DRC1: variants seen among roughly 807,000 people sequenced by gnomAD.
The protein encoded by DRC1 is dynein regulatory complex subunit 1, also known as dynein regulatory complex protein 1.
A neutral mutation model predicts 98.7 loss-of-function variants in DRC1; 74 were observed. The ratio of observed to expected loss-of-function variants is 0.75; its 90% CI spans 0.62 to 0.91. The LOEUF (loss-of-function observed/expected upper bound fraction) is 0.91, where lower values mean the gene tolerates loss of function less well. DRC1 is among the 40% of genes least tolerant of loss of function. The pLI is 0.00. For missense variants in DRC1, 875 were observed against 886.0 expected (o/e 0.99, Z 0.16); for synonymous variants, 336 against 334.1 (o/e 1.01, Z -0.06).
At chr2:26,409,123 A>T (rs13028274) in intron 1 of DRC1, among the ~76,000 whole-genome samples, 1 of 150,790 alleles carries the variant, frequency 6.6e-6, no homozygotes. Flanking sequence ...TTAGAGATGG[A>T]GTCCTGCTAT....
chr2:26,450,797 G>A, intron 13 of DRC1, 116 bp downstream of exon 13: 1 of 779,256 alleles, frequency 1.3e-6, no homozygotes, highest in Non-Finnish European at 1.8e-6. Flanking sequence ...TGTTACATAG[G>A]TATACATGTG....
At position 26,453,408 on chromosome 2, in the gene DRC1, A is replaced by G. The variant is rs748452142; in HGVS notation, c.1778A>G (p.Glu593Gly). 12 of 1,614,184 alleles carry G rather than the reference A, an allele frequency of 7.4e-6. No individual in the cohort carries two copies. Among genetic ancestry groups the G allele is most frequent in the Non-Finnish European group, 1.0e-5 (12 of 1,180,046 alleles). ...GAATTGGAGCTGGCAGAGCAGACGG[A>G]GATGGAGGGAGAAAAGGAAGAAAGC... ...RSELELAEQT[E>G]MEGEKEESLV... Residue 593 changes from glutamate to glycine, a missense_variant, in exon 14 of 17, where the codon GAG becomes GGG. Glu to Gly is a moderately conservative substitution (Grantham distance 98). Coordinates refer to ENST00000288710, the MANE Select transcript of DRC1 (RefSeq NM_145038.5).
At chr2:26,452,396 A>AT (rs1201141511) in intron 13 of DRC1, among the ~76,000 whole-genome samples, 2 of 152,094 alleles carry the variant, frequency 1.3e-5, no homozygotes, top group Non-Finnish European at 2.9e-5. Context: ...GCTGGGATTG[A>AT]TTACAGGCAC....
chr2:26,445,483 G>T (rs1021354500), intron 10 of DRC1, among the ~76,000 whole-genome samples: 1 of 152,146 alleles, frequency 6.6e-6, no homozygotes, highest in African/African-American at 2.4e-5. Context: ...ATCTTCCAAA[G>T]GTACCAATGA....
At chr2:26,455,311 C>A in intron 16 of DRC1, 78 bp downstream of exon 16, 1 of 1,357,732 alleles carries the variant, frequency 7.4e-7, no homozygotes, top group Non-Finnish European at 1.0e-6. Flanking sequence ...GATTAGGGAA[C>A]GAGGAGTCCC....
At chr2:26,408,641 C>T (rs1170665026) in intron 1 of DRC1, among the ~76,000 whole-genome samples, 1 of 152,064 alleles carries the variant, frequency 6.6e-6, no homozygotes, top group Admixed American at 6.6e-5. Context: ...CGTGGTGGTG[C>T]ATGCCTGTAA....
In DRC1 at chr2:26,455,151, C is replaced by T. The variant is rs769056765; in HGVS notation, c.2084C>T (p.Ala695Val). ...EKYHLVLTQR[A>V]KLLLENSSLE... ...CAAAGCCTTGTCCTGACCCAGAGGG[C>T]CAAGCTGCTGCTGGAAAACAGTTCT... Residue 695 changes from alanine to valine, a missense_variant, in exon 16 of 17, where the codon GCC becomes GTC. Transcript: ENST00000288710. The T allele has an allele frequency of 2.5e-6, 4 of 1,613,966 alleles. No homozygotes were observed. Among genetic ancestry groups the T allele is most frequent in the Admixed American group, 1.7e-5 (1 of 59,998 alleles).
intron 1 of DRC1, among the ~76,000 whole-genome samples, chr2:26,402,602 C>G (rs1157641753): frequency 6.6e-6 from 1 of 152,120 alleles, no homozygotes; most frequent in East Asian, 1.9e-4. Context: ...TTCCTAAGTG[C>G]GGGATGTATT....
At chr2:26,413,878 T>C (rs1572354570) in intron 1 of DRC1, among the ~76,000 whole-genome samples, 1 of 152,034 alleles carries the variant, frequency 6.6e-6, no homozygotes, top group African/African-American at 2.4e-5. Context: ...GATATTCTCC[T>C]GTATTTACTT....
At chr2:26,402,601 G>A (rs1678287106) in intron 1 of DRC1, among the ~76,000 whole-genome samples, 1 of 152,154 alleles carries the variant, frequency 6.6e-6, no homozygotes, top group African/African-American at 2.4e-5. Context: ...ATTCCTAAGT[G>A]CGGGATGTAT....
In DRC1 at chr2:26,421,366, A is replaced by G. The variant is rs138488150; in HGVS notation, c.322A>G (p.Arg108Gly). ...GGCTATAGATATCAGAGAGATTCAC[A>G]GGAGAGTCGAAGAAGAGGAGATAAA... ...QVAIDIREIH[R>G]RVEEEEIKRQ... is the part of the protein sequence containing the mutation. The change falls in exon 3 of 17, where the codon AGG becomes GGG. Residue 108 changes from arginine to glycine, a missense_variant. By Grantham distance (125) the Arg-to-Gly change is moderately radical. Transcript: ENST00000288710. 6.2e-7 allele frequency: 1 copy of G among 1,613,432 alleles called. No homozygotes were observed. Among genetic ancestry groups the G allele is most frequent in the Non-Finnish European group, 8.5e-7 (1 of 1,179,616 alleles).
Position 26,454,536 on chromosome 2 carries a change from T to G in DRC1, c.1920-111T>G. ...CTGCCACCGTCTAATAAACTTGGAC[T>G]GCTGAGTGGGAAGGTGACAGGTGGG... On this transcript the variant is annotated intron_variant, in intron 14 of 16. Coordinates refer to ENST00000288710, the MANE Select transcript of DRC1 (RefSeq NM_145038.5). This position sits in a 1 kb window ranked among gnomAD's most constrained non-coding sequence, Gnocchi z 5.2. 1 of 1,474,792 alleles carries G rather than the reference T, an allele frequency of 6.8e-7. No homozygotes were observed. Among genetic ancestry groups the G allele is most frequent in the South Asian group, 1.3e-5 (1 of 77,272 alleles). The allele number at this position is 1,474,792 out of a possible 1,614,324, so 91.4% of individuals were successfully genotyped here.
At chr2:26,446,864 C>T (rs765174618) in intron 10 of DRC1, among the ~76,000 whole-genome samples, 6 of 150,472 alleles carry the variant, frequency 4.0e-5, no homozygotes, top group South Asian at 4.2e-4. Context: ...GGCCAAGGCG[C>T]GCAGATCACC....
At chr2:26,432,225 G>A (rs989911950) in intron 7 of DRC1, among the ~76,000 whole-genome samples, 26 of 152,170 alleles carry the variant, frequency 1.7e-4, no homozygotes, top group African/African-American at 6.3e-4. Context: ...AGCTGAGCAC[G>A]GTGGCTTACA....
At chr2:26,406,009 G>A (rs919235642) in intron 1 of DRC1, among the ~76,000 whole-genome samples, 2 of 152,080 alleles carry the variant, frequency 1.3e-5, no homozygotes, top group Non-Finnish European at 2.9e-5. Flanking sequence ...AAGTGAGCTG[G>A]GACCATTCTG....
intron 10 of DRC1, among the ~76,000 whole-genome samples, chr2:26,448,022 C>T (rs35652483): frequency 2.0e-4 from 30 of 150,774 alleles, no homozygotes; most frequent in Non-Finnish European, 3.4e-4. Flanking sequence ...TTCAGGAGTT[C>T]GAGACCAGCC....
intron 7 of DRC1, among the ~76,000 whole-genome samples, chr2:26,435,403 C>T (rs761060240): frequency 1.3e-5 from 2 of 152,162 alleles, no homozygotes; most frequent in Non-Finnish European, 2.9e-5. Context: ...AGACATTTAA[C>T]AAAATCAATT....
chr2:26,413,333 T>C (rs1181658969), intron 1 of DRC1, among the ~76,000 whole-genome samples: 1 of 152,264 alleles, frequency 6.6e-6, no homozygotes, highest in Non-Finnish European at 1.5e-5. Flanking sequence ...TTTATTTATG[T>C]ACTTGTAAAG....
chr2:26,440,858 A>G (rs1663699371), intron 8 of DRC1, among the ~76,000 whole-genome samples: 1 of 152,192 alleles, frequency 6.6e-6, no homozygotes, highest in Non-Finnish European at 1.5e-5. Flanking sequence ...ACACTCCTGT[A>G]TATCTTGAAG....
Sources: allele counts gnomAD v4.1 joint callset (sites outside exome capture counted in the v4.1 genomes callset), GRCh38; gene constraint gnomAD v4.1.1; non-coding constraint Gnocchi (gnomAD v3.1); transcripts MANE v1.5; gene names NCBI Gene and HGNC (gene_info 2026-07-23, HGNC 2026-07-21).